The following PCDHGB4 variants were observed in gnomAD, a reference collection of about 807,000 sequenced individuals.
PCDHGB4 encodes protocadherin gamma subfamily B, 4, also known as protocadherin gamma-B4.
Under a neutral mutation model 60.5 loss-of-function variants are expected in PCDHGB4, and 38 were observed. The ratio of observed to expected loss-of-function variants is 0.63; its 90% CI spans 0.48 to 0.82. The LOEUF is 0.82. Among genes scored for constraint, PCDHGB4 ranks in the 40% least tolerant of loss-of-function variants. The pLI, the probability that PCDHGB4 is intolerant of heterozygous loss-of-function variation, is 0.00. For missense variants in PCDHGB4, 1,109 were observed against 1,209.6 expected (o/e 0.92, Z 1.23); for synonymous variants, 456 against 509.7 (o/e 0.89, Z 1.42).
At chr5:141,423,644 A>G in intron 1 of PCDHGB4, 1 of 1,592,866 alleles carries the variant, frequency 6.3e-7, no homozygotes, top group South Asian at 1.1e-5. Context: ...GGCAAATGTG[A>G]CCCGACAAGT....
At position 141,432,463 on chromosome 5, in the gene PCDHGB4, C is replaced by T; in HGVS notation, c.2397+42182C>T. ...CCGAGATCCTGTACCCCGCCCTCCC[C>T]ACGGACGGTTCCACTGGCGTGGAGC... On this transcript the variant is annotated intron_variant, in intron 1 of 3. Transcript: ENST00000519479. The surrounding 1 kb of genome is among the most constrained non-coding windows in gnomAD (Gnocchi z 6.0). 6.2e-7 allele frequency: 1 copy of T among 1,614,238 alleles called. No individual in the cohort carries two copies. The highest frequency in any genetic ancestry group is 1.1e-5 in the South Asian group (1 of 91,084).
At chr5:141,437,459 C>T (rs749625924) in intron 1 of PCDHGB4, among the ~76,000 whole-genome samples, 1 of 152,140 alleles carries the variant, frequency 6.6e-6, no homozygotes, top group Admixed American at 6.5e-5. Context: ...GGAGACTATA[C>T]TATACTTTTA....
chr5:141,502,535 G>A (rs910160644), intron 2 of PCDHGB4, among the ~76,000 whole-genome samples: 14 of 152,172 alleles, frequency 9.2e-5, no homozygotes, highest in South Asian at 2.1e-4. Flanking sequence ...GAGTTTGTTC[G>A]TGTGGTAAAA....
intron 1 of PCDHGB4, chr5:141,478,553 T>G (rs1593930915): frequency 6.2e-7 from 1 of 1,602,704 alleles, no homozygotes; most frequent in Non-Finnish European, 8.5e-7. Context: ...ACAGGTAAGG[T>G]TTAGCAAGTC....
At chr5:141,409,870 T>A (rs980871481) in intron 1 of PCDHGB4, 2 of 1,612,670 alleles carry the variant, frequency 1.2e-6, no homozygotes, top group Admixed American at 1.7e-5. Context: ...GAGACCGCAA[T>A]GACAACGCAC....
At chr5:141,427,839 G>A (rs1276507135) in intron 1 of PCDHGB4, 3 of 1,547,192 alleles carry the variant, frequency 1.9e-6, no homozygotes, top group African/African-American at 2.7e-5. Context: ...GCGTGCCTTC[G>A]ACCACGAGCA....
rs764692908 is a variant in PCDHGB4 at position 141,431,246 on chromosome 5, G to C, written c.2397+40965G>C. On this transcript the variant is annotated intron_variant, in intron 1 of 3. Coordinates refer to ENST00000519479, the MANE Select transcript of PCDHGB4 (RefSeq NM_003736.4). The surrounding 1 kb of genome is among the most constrained non-coding windows in gnomAD (Gnocchi z 4.8). ...ACCCCACGCCTGGGATCCGGATATC[G>C]GGAAGAACTCTCTGCAGAGCTACGA... 9 of 1,613,982 alleles carry C rather than the reference G, an allele frequency of 5.6e-6. No individual in the cohort carries two copies. Among genetic ancestry groups the C allele is most frequent in the Non-Finnish European group, 7.6e-6 (9 of 1,180,050 alleles).
At position 141,489,635 on chromosome 5, in the gene PCDHGB4, G is replaced by C. The variant is rs1380466520; in HGVS notation, c.2398-5172G>C. 2 of 1,614,142 alleles carry C rather than the reference G, an allele frequency of 1.2e-6. No homozygotes were observed. The highest frequency in any genetic ancestry group is 3.3e-5 in the Admixed American group (2 of 60,016). ...CTGGATCTCAATGACAACTCTCCTAGCTTTGCCACCCCTGAGCGAGAGATG... is the reference window on the plus strand; with the variant it reads ...CTGGATCTCAATGACAACTCTCCTACCTTTGCCACCCCTGAGCGAGAGATG... On this transcript the variant is annotated intron_variant, in intron 1 of 3. Transcript: ENST00000519479. This position sits in a 1 kb window ranked among gnomAD's most constrained non-coding sequence, Gnocchi z 4.5.
intron 1 of PCDHGB4, chr5:141,478,781 A>G: frequency 6.7e-7 from 1 of 1,485,388 alleles, no homozygotes; most frequent in Non-Finnish European, 9.0e-7. Flanking sequence ...TGTGGACCTA[A>G]TTCACATCCT....
chr5:141,394,705 C>T lies in PCDHGB4; in HGVS notation c.2397+4424C>T, dbSNP rs1245348426. 6.2e-7 allele frequency: 1 copy of T among 1,613,256 alleles called. No individual in the cohort carries two copies. The highest frequency in any genetic ancestry group is 1.7e-5 in the Admixed American group (1 of 60,012). ...ACGGGCGAGGTGCGCACGGCGCGAG[C>T]CCTGCTGGACAGAGATGCGCTCAAG... On this transcript the variant is annotated intron_variant, in intron 1 of 3. Coordinates refer to ENST00000519479, the MANE Select transcript of PCDHGB4 (RefSeq NM_003736.4).
intron 1 of PCDHGB4, among the ~76,000 whole-genome samples, chr5:141,460,961 A>ATGTG (rs35821115): frequency 4.1e-5 from 6 of 144,616 alleles, no homozygotes; most frequent in South Asian, 2.2e-4. Context: ...GTATATATAT[A>ATGTG]TGTGTGTGTG....
At position 141,389,741 on chromosome 5, in the gene PCDHGB4, G is replaced by T. The variant is rs537380299; in HGVS notation, c.1857G>T (p.Leu619=). The change falls in exon 1 of 4, where the codon CTG becomes CTT. Residue 619 remains leucine (L), a synonymous_variant. Coordinates refer to ENST00000519479, the MANE Select transcript of PCDHGB4 (RefSeq NM_003736.4). ...AGCCCGGGCTCTTCAGCCTGGGGCTGCGCACGGGCGAAGTGCGCACAGCGC... is the reference window on the plus strand; with the variant it reads ...AGCCCGGGCTCTTCAGCCTGGGGCTTCGCACGGGCGAAGTGCGCACAGCGC... ...ASEPGLFSLG[L]RTGEVRTARA... is the part of the protein sequence containing the mutation. 31 of 1,612,676 alleles carry T rather than the reference G, an allele frequency of 1.9e-5. No individual in the cohort carries two copies. The highest frequency in any genetic ancestry group is 6.7e-5 in the Admixed American group (4 of 60,000).
At position 141,487,943 on chromosome 5, in the gene PCDHGB4, A is replaced by C. The variant is rs2099669443; in HGVS notation, c.2398-6864A>C. ...TACAGTGCACAGGGTACAGTGCACCAGGCAGTCACTTGGACAAAGGTGGCT... is the reference window on the plus strand; with the variant it reads ...TACAGTGCACAGGGTACAGTGCACCCGGCAGTCACTTGGACAAAGGTGGCT... On this transcript the variant is annotated intron_variant, in intron 1 of 3. Coordinates refer to ENST00000519479, the MANE Select transcript of PCDHGB4 (RefSeq NM_003736.4). The surrounding 1 kb of genome is among the most constrained non-coding windows in gnomAD (Gnocchi z 5.0). Among the ~76,000 whole-genome samples, 1 of 152,220 alleles carries C rather than the reference A, an allele frequency of 6.6e-6. No homozygotes were observed.
intron 1 of PCDHGB4, chr5:141,433,239 G>A: frequency 1.3e-6 from 2 of 1,494,126 alleles, no homozygotes; most frequent in Non-Finnish European, 1.8e-6. Context: ...TGTCTCCCAA[G>A]CTGGAATGCA....
chr5:141,465,454 T>A (rs1031876441), intron 1 of PCDHGB4, among the ~76,000 whole-genome samples: 1 of 152,184 alleles, frequency 6.6e-6, no homozygotes, highest in Non-Finnish European at 1.5e-5. Flanking sequence ...AAGAAAACTC[T>A]CACCAAATTG....
intron 1 of PCDHGB4, among the ~76,000 whole-genome samples, chr5:141,449,413 C>G (rs2098637966): frequency 6.6e-6 from 1 of 151,656 alleles, no homozygotes; most frequent in African/African-American, 2.4e-5. Flanking sequence ...TCAAGACCAG[C>G]CTGGCCAACA....
At position 141,487,179 on chromosome 5, in the gene PCDHGB4, C is replaced by T. The variant is rs768886732; in HGVS notation, c.2398-7628C>T. Reference sequence around the variant, plus strand: ...CTCTTAGTGTCCTTAGAGGAAGACACTCATCCAGTTGTCCCAGATCTTCGA... The same window carrying T: ...CTCTTAGTGTCCTTAGAGGAAGACATTCATCCAGTTGTCCCAGATCTTCGA... On this transcript the variant is annotated intron_variant, in intron 1 of 3. Transcript: ENST00000519479. This position sits in a 1 kb window ranked among gnomAD's most constrained non-coding sequence, Gnocchi z 5.0. 6.2e-6 allele frequency: 10 copies of T among 1,613,474 alleles called. No individual in the cohort carries two copies. Among genetic ancestry groups the T allele is most frequent in the Non-Finnish European group, 6.8e-6 (8 of 1,179,370 alleles).
intron 2 of PCDHGB4, among the ~76,000 whole-genome samples, chr5:141,497,735 C>T (rs1299892535): frequency 2.6e-5 from 4 of 152,144 alleles, no homozygotes; most frequent in Non-Finnish European, 4.4e-5. Flanking sequence ...AGATGGGTTT[C>T]GCCACGTTGG....
At chr5:141,423,354 C>A in intron 1 of PCDHGB4, 1 of 1,614,202 alleles carries the variant, frequency 6.2e-7, no homozygotes. Context: ...TGGTCTTTGT[C>A]ATCGTGCTGC....
Sources: gnomAD v4.1 joint callset for allele counts (sites outside exome capture counted in the v4.1 genomes callset) on GRCh38, gnomAD v4.1.1 for gene constraint, Gnocchi (gnomAD v3.1) non-coding constraint, MANE v1.5 for transcripts, NCBI Gene and HGNC (gene_info 2026-07-23, HGNC 2026-07-21) for gene names.